GPATCH3: variants seen among roughly 807,000 people sequenced by gnomAD.
GPATCH3 encodes G patch domain-containing protein 3.
A neutral mutation model predicts 53.2 loss-of-function variants in GPATCH3; 45 were observed. The observed-to-expected ratio is 0.85, with a 90% CI of 0.67 to 1.08. The LOEUF is 1.08. GPATCH3 is among the 50% of genes least tolerant of loss of function. The pLI, the probability that GPATCH3 is intolerant of heterozygous loss-of-function variation, is 0.00. For missense variants in GPATCH3, 680 were observed against 687.2 expected (o/e 0.99, Z 0.12); for synonymous variants, 280 against 270.6 (o/e 1.03, Z -0.34).
chr1:26,899,895 G>A, intron 1 of GPATCH3, 97 bp downstream of exon 1: 2 of 1,092,584 alleles, frequency 1.8e-6, no homozygotes, highest in Non-Finnish European at 2.7e-6. Flanking sequence ...AACTCATAGA[G>A]TCCTAACCAG....
intron 6 of GPATCH3, among the ~76,000 whole-genome samples, chr1:26,892,006 T>C (rs2081929045): frequency 6.7e-6 from 1 of 150,354 alleles, no homozygotes; most frequent in Non-Finnish European, 1.5e-5. Context: ...TGCGCCCGGC[T>C]AATTTTTGTA....
Position 26,900,092 on chromosome 1 carries a change from AAGCCTCTG to A in GPATCH3, c.343_350del (p.Gln115TyrfsTer54). 6.2e-7 allele frequency: 1 copy of A among 1,614,154 alleles called. No individual in the cohort carries two copies. Among genetic ancestry groups the A allele is most frequent in the Non-Finnish European group, 8.5e-7 (1 of 1,180,032 alleles). On this transcript the variant is annotated frameshift_variant, in exon 1 of 7. Transcript: ENST00000361720. LOFTEE classifies it high-confidence loss of function. Reference sequence around the variant, plus strand: ...ACCGGCGGCCCGAGTACATGCGAATAAGCCTCTGAGCTTGAGCCAACCCCCTTACCGAG... The same window carrying A: ...ACCGGCGGCCCGAGTACATGCGAATAAGCTTGAGCCAACCCCCTTACCGAG...
chr1:26,894,843 G>A (rs115372687), intron 2 of GPATCH3, among the ~76,000 whole-genome samples: 8,862 of 152,094 alleles, frequency 0.058, 341 homozygotes, highest in Middle Eastern at 0.12. Flanking sequence ...AAGAAAGAAT[G>A]GACAATAATG....
Position 26,900,295 on chromosome 1 carries a change from G to A in GPATCH3, c.148C>T (p.Arg50Trp), listed in dbSNP as rs2081969927. ...RGGGFLCFHY[R>W]HRPERAPPQA... is the part of the protein sequence containing the mutation. Reference sequence around the variant, plus strand: ...GGAGGGGCCCGCTCAGGCCGATGCCGGTAGTGGAAACAGAGGAAGCCACCG... The same window carrying A: ...GGAGGGGCCCGCTCAGGCCGATGCCAGTAGTGGAAACAGAGGAAGCCACCG... Residue 50 changes from arginine (R) to tryptophan (W), a missense_variant, in exon 1 of 7, where the codon CGG (arginine) becomes TGG (tryptophan). Coordinates refer to ENST00000361720, the MANE Select transcript of GPATCH3 (RefSeq NM_022078.3). The A allele has an allele frequency of 1.2e-6, 2 of 1,613,964 alleles. No homozygotes were observed. Among genetic ancestry groups the A allele is most frequent in the East Asian group, 2.2e-5 (1 of 44,876 alleles).
chr1:26,900,069 C>T lies in GPATCH3; in HGVS notation c.374G>A (p.Arg125Gln). Residue 125 changes from arginine to glutamine, a missense_variant, in exon 1 of 7, where the codon CGG becomes CAG. Arg to Gln is a conservative substitution (Grantham distance 43). Coordinates refer to ENST00000361720, the MANE Select transcript of GPATCH3 (RefSeq NM_022078.3). ...CCAAGTCCCGTGAGAATCCAGCCAC[C>T]GGCGGCCCGAGTACATGCGAATAAG... is the stretch of plus-strand genomic sequence containing the variant. ...QRLIRMYSGR[R>Q]WLDSHGTWLP... is the part of the protein sequence containing the mutation. 3 of 1,614,154 alleles carry T rather than the reference C, an allele frequency of 1.9e-6. No homozygotes were observed. Among genetic ancestry groups the T allele is most frequent in the East Asian group, 2.2e-5 (1 of 44,872 alleles).
intron 3 of GPATCH3, 69 bp from the exon 4 acceptor site, chr1:26,893,517 G>C: frequency 1.7e-5 from 12 of 698,956 alleles, no homozygotes; most frequent in Non-Finnish European, 2.6e-5. Context: ...GTTAAACCTA[G>C]AGTTTTTTTG....
At chr1:26,892,958 T>C in intron 4 of GPATCH3, 167 bp from the exon 5 acceptor site, 1 of 741,188 alleles carries the variant, frequency 1.3e-6, no homozygotes, top group Non-Finnish European at 2.2e-6. Flanking sequence ...CTCTCCCCAA[T>C]CATACAGATG....
At chr1:26,898,352 G>A (rs1004019167) in intron 1 of GPATCH3, among the ~76,000 whole-genome samples, 5 of 151,908 alleles carry the variant, frequency 3.3e-5, no homozygotes, top group African/African-American at 4.8e-5. Context: ...TTCTCACTCT[G>A]TCACCCAGAC....
Position 26,892,404 on chromosome 1 carries a change from C to T in GPATCH3, c.1361+7G>A, listed in dbSNP as rs779438323. The T allele has an allele frequency of 1.2e-6, 2 of 1,611,000 alleles. No individual in the cohort carries two copies. Among genetic ancestry groups the T allele is most frequent in the Non-Finnish European group, 1.7e-6 (2 of 1,178,360 alleles). The stretch of plus-strand genomic sequence containing the variant: ...GGCCCCCAGGGAAGTCCCTCAGTCA[C>T]ACTTACCCCAATCCACGCTTGCATC... On this transcript the variant is annotated splice_region_variant and intron_variant, in intron 6 of 6. Transcript: ENST00000361720.
Position 26,893,388 on chromosome 1 carries a change from C to CCA in GPATCH3, c.1111_1111+1insTG (p.Asp371ValfsTer29). The CCA allele has an allele frequency of 6.2e-7, 1 of 1,612,072 alleles. No individual in the cohort carries two copies. Among genetic ancestry groups the CCA allele is most frequent in the Non-Finnish European group, 8.5e-7 (1 of 1,178,124 alleles). Reference sequence around the variant, plus strand: ...CAGTATTGCCACTCCTTGCCCAGTACCTCTGTCATAGTACACACTCATGTC... The same window carrying CCA: ...CAGTATTGCCACTCCTTGCCCAGTACCACTCTGTCATAGTACACACTCATGTC... On this transcript the variant is annotated frameshift_variant and splice_region_variant. Transcript: ENST00000361720. LOFTEE classifies it high-confidence loss of function.
chr1:26,900,250 CAG>C lies in GPATCH3; in HGVS notation c.191_192del (p.Ser64CysfsTer10), dbSNP rs1444759010. 1 of 1,614,082 alleles carries C rather than the reference CAG, an allele frequency of 6.2e-7. No individual in the cohort carries two copies. Among genetic ancestry groups the C allele is most frequent in the South Asian group, 1.1e-5 (1 of 91,080 alleles). On this transcript the variant is annotated frameshift_variant, in exon 1 of 7. Coordinates refer to ENST00000361720, the MANE Select transcript of GPATCH3 (RefSeq NM_022078.3). LOFTEE classifies it high-confidence loss of function. ...GCGGCTGGGTCGGTAGGAATTAGGG[CAG>C]AGTTAGGAGCGGCCTGCGGAGGGGC... ...ERAPPQAAPNSALIPTDPAAE... is the reference protein window; with the variant it reads ...ERAPPQAAPNXALIPTDPAAE...
At chr1:26,891,640 G>T (rs899105431) in intron 6 of GPATCH3, among the ~76,000 whole-genome samples, 14 of 152,142 alleles carry the variant, frequency 9.2e-5, no homozygotes, top group Non-Finnish European at 1.3e-4. Flanking sequence ...TCCACCTCCT[G>T]GGTTCAAGCG....
At chr1:26,896,542 A>AAAT (rs2081951753) in intron 2 of GPATCH3, among the ~76,000 whole-genome samples, 4 of 144,692 alleles carry the variant, frequency 2.8e-5, no homozygotes, top group Admixed American at 2.1e-4. Context: ...ATAAAAAAAA[A>AAAT]AAAAAAAATT....
chr1:26,900,376 C>T lies in GPATCH3; in HGVS notation c.67G>A (p.Val23Met), dbSNP rs764461662. ...CTCCGTAAATGGGCCGAGCGCAACACGGAGGGGATACCGCTCACTACCAGG... is the reference window on the plus strand; with the variant it reads ...CTCCGTAAATGGGCCGAGCGCAACATGGAGGGGATACCGCTCACTACCAGG... Reference protein sequence around the residue: ...VYLVVSGIPSVLRSAHLRSYF... With the variant: ...VYLVVSGIPSMLRSAHLRSYF... Residue 23 changes from valine (V) to methionine (M), a missense_variant, in exon 1 of 7, where the codon GTG becomes ATG. Transcript: ENST00000361720. 1.8e-5 allele frequency: 29 copies of T among 1,613,892 alleles called. No homozygotes were observed. Among genetic ancestry groups the T allele is most frequent in the Middle Eastern group, 1.7e-4 (1 of 6,058 alleles).
In GPATCH3 at chr1:26,897,637, T is replaced by A; in HGVS notation, c.540A>T (p.Gln180His). 6.2e-7 allele frequency: 1 copy of A among 1,614,194 alleles called. No individual in the cohort carries two copies. The highest frequency in any genetic ancestry group is 8.5e-7 in the Non-Finnish European group (1 of 1,180,026). Residue 180 changes from glutamine to histidine, a missense_variant, in exon 2 of 7, where the codon CAA becomes CAT. Physicochemically the swap from Gln to His is conservative, Grantham distance 24. Transcript: ENST00000361720. ...NEAFTLADLKQLPELNPPVLM... is the reference protein window; with the variant it reads ...NEAFTLADLKHLPELNPPVLM... ...GCACTGGTGGGTTCAGCTCCGGCAG[T>A]TGCTTCAGGTCAGCCAGGGTGAAGG...
rs779533297 is a variant in GPATCH3 at position 26,890,981 on chromosome 1, G to T, written c.*29C>A. 1 of 1,585,438 alleles carries T rather than the reference G, an allele frequency of 6.3e-7. No individual in the cohort carries two copies. Among genetic ancestry groups the T allele is most frequent in the Non-Finnish European group, 8.7e-7 (1 of 1,154,290 alleles). The stretch of plus-strand genomic sequence containing the variant: ...GGCCAGGGCAGAGGGTTTTCATCAT[G>T]TAGCTATGAAAGGAAGCCCCCAACC... On this transcript the variant is annotated 3_prime_UTR_variant, in exon 7 of 7. Transcript: ENST00000361720.
chr1:26,897,539 GGGGGTA>G lies in GPATCH3; in HGVS notation c.632_637del (p.Leu211_Pro212del), dbSNP rs2081956745. ...GAGCTGCAGCTGGGTGATGATCCGAGGGGGTAGGCGGCAGGCCCGGATCAACTCCAA... is the reference window on the plus strand; with the variant it reads ...GAGCTGCAGCTGGGTGATGATCCGAGGGCGGCAGGCCCGGATCAACTCCAA... On this transcript the variant is annotated inframe_deletion, in exon 2 of 7. Transcript: ENST00000361720. 6.2e-7 allele frequency: 1 copy of G among 1,614,186 alleles called. No homozygotes were observed. The highest frequency in any genetic ancestry group is 1.6e-4 in the Middle Eastern group (1 of 6,062).
rs750680450 is a variant in GPATCH3, at chr1:26,893,424, T to C, written c.1076A>G (p.Asp359Gly). Residue 359 changes from aspartate to glycine, a missense_variant, in exon 4 of 7, where the codon GAC becomes GGC. Transcript: ENST00000361720. ...GTACACACTCATGTCCACATCCCAGTCATCGGCTGTCTGTTCATCAAAATC... is the reference window on the plus strand; with the variant it reads ...GTACACACTCATGTCCACATCCCAGCCATCGGCTGTCTGTTCATCAAAATC... Reference protein sequence around the residue: ...EGDFDEQTADDWDVDMSVYYD... With the variant: ...EGDFDEQTADGWDVDMSVYYD... 1 of 1,613,070 alleles carries C rather than the reference T, an allele frequency of 6.2e-7. No individual in the cohort carries two copies. Among genetic ancestry groups the C allele is most frequent in the South Asian group, 1.1e-5 (1 of 91,052 alleles).
At chr1:26,899,961 A>G (rs1477972793) in intron 1 of GPATCH3, 31 bp downstream of exon 1, 1 of 1,599,726 alleles carries the variant, frequency 6.3e-7, no homozygotes, top group Non-Finnish European at 8.6e-7. Flanking sequence ...CCAGGCCCGT[A>G]GGCCCAGTCT....
Sources: allele counts gnomAD v4.1 joint callset (sites outside exome capture counted in the v4.1 genomes callset), GRCh38; gene constraint gnomAD v4.1.1; transcripts MANE v1.5; gene names NCBI Gene and HGNC (gene_info 2026-07-23, HGNC 2026-07-21).